Variants in CPNE4 observed in about 807,000 individuals in gnomAD.
CPNE4 encodes the protein copine-4.
A neutral mutation model predicts 67.9 loss-of-function variants in CPNE4; 25 were observed. The observed-to-expected ratio is 0.37, with a 90% confidence interval of 0.27 to 0.51. The LOEUF (loss-of-function observed/expected upper bound fraction) is 0.51. Among genes scored for constraint, CPNE4 ranks in the 20% least tolerant of loss-of-function variants. The probability of loss-of-function intolerance (pLI) is 0.93; values close to 1 mark genes in which losing one functional copy is unlikely to be tolerated. For missense variants in CPNE4, 464 were observed against 690.8 expected (o/e 0.67, Z 3.68); for synonymous variants, 242 against 244.9 (o/e 0.99, Z 0.11).
At chr3:131,863,537 C>A (rs182294107) in intron 2 of CPNE4, among the ~76,000 whole-genome samples, 15 of 152,294 alleles carry the variant, frequency 9.8e-5, no homozygotes, top group Non-Finnish European at 1.5e-4. Flanking sequence ...ATATCCTTCG[C>A]CCACTTTTTG....
intron 2 of CPNE4, among the ~76,000 whole-genome samples, chr3:131,787,544 T>C (rs1037819599): frequency 6.6e-6 from 1 of 152,142 alleles, no homozygotes; most frequent in Non-Finnish European, 1.5e-5. Context: ...AGGCAGACCC[T>C]GATGGATCTG....
intron 2 of CPNE4, among the ~76,000 whole-genome samples, chr3:131,856,098 C>A (rs1268436669): frequency 6.6e-6 from 1 of 151,950 alleles, no homozygotes; most frequent in Non-Finnish European, 1.5e-5. Context: ...AGGCCAGGAA[C>A]TTCTGATAAT....
intron 1 of CPNE4, among the ~76,000 whole-genome samples, chr3:131,996,419 A>C (rs2073294027): frequency 1.3e-5 from 2 of 152,072 alleles, no homozygotes; most frequent in Non-Finnish European, 2.9e-5. Flanking sequence ...GTCATTGCCC[A>C]CAGTGAAGGC....
chr3:131,698,609 A>T (rs1490906270), intron 4 of CPNE4, among the ~76,000 whole-genome samples: 16 of 99,664 alleles, frequency 1.6e-4, no homozygotes, highest in Non-Finnish European at 3.2e-4. Context: ...TCCTGTGCTT[A>T]AAAAAAAAAA....
chr3:131,792,758 C>T lies in CPNE4; in HGVS notation c.181-69133G>A, dbSNP rs1438505722. ...GTGTGTATATATGTATATATATACA[C>T]ACACTATATATGTATATGTGTGTGT... On this transcript the variant is annotated intron_variant, in intron 2 of 15. Transcript: ENST00000429747. Among the ~76,000 whole-genome samples the T allele has an allele frequency of 2.3e-5, 3 of 133,270 alleles. No homozygotes were observed. In the Admixed American group the frequency reaches 2.3e-4, roughly 10 times the overall value. 87.4% of individuals were successfully genotyped at this position (133,270 alleles called of 152,430 possible).
At chr3:131,837,864 C>G (rs2085618892) in intron 2 of CPNE4, among the ~76,000 whole-genome samples, 1 of 151,760 alleles carries the variant, frequency 6.6e-6, no homozygotes, top group African/African-American at 2.4e-5. Flanking sequence ...TACAGGGGAA[C>G]TTTCTGTAAT....
At chr3:131,937,531 T>C (rs2071259162) in intron 1 of CPNE4, among the ~76,000 whole-genome samples, 1 of 152,286 alleles carries the variant, frequency 6.6e-6, no homozygotes, top group African/African-American at 2.4e-5. Context: ...AGGACAATTA[T>C]GAGATGACTG....
intron 6 of CPNE4, among the ~76,000 whole-genome samples, chr3:131,670,965 T>C (rs1462544781): frequency 1.3e-5 from 2 of 152,194 alleles, no homozygotes; most frequent in Non-Finnish European, 2.9e-5. Flanking sequence ...ATTTTGTATT[T>C]TTAGTAGAGA....
Position 131,612,283 on chromosome 3 carries a change from A to T in CPNE4, c.682-24701T>A, listed in dbSNP as rs549837243. Among the ~76,000 whole-genome samples, 487 of 152,282 alleles carry T rather than the reference A, an allele frequency of 3.2e-3. 4 individuals are homozygous for T. Among genetic ancestry groups the T allele is most frequent in the African/African-American group, 0.011 (462 of 41,554 alleles). On this transcript the variant is annotated intron_variant, in intron 7 of 15. Transcript: ENST00000429747. ...CAGCTACTCAGGAGGCTGAGGCAGGAGAATCACTTGAATCCAGGAGGTGGA... is the reference window on the plus strand; with the variant it reads ...CAGCTACTCAGGAGGCTGAGGCAGGTGAATCACTTGAATCCAGGAGGTGGA...
chr3:131,542,546 T>C lies in CPNE4; in HGVS notation c.1539+11A>G. 6.3e-7 allele frequency: 1 copy of C among 1,586,816 alleles called. No individual in the cohort carries two copies. Among genetic ancestry groups the C allele is most frequent in the Non-Finnish European group, 8.7e-7 (1 of 1,155,188 alleles). ...CTTCCATGAAAAGTGCCCCAATGTG[T>C]ATATGCATACGTGTTTGAAGTTCCT... is the stretch of plus-strand genomic sequence containing the variant. On this transcript the variant is annotated intron_variant, in intron 15 of 15. Transcript: ENST00000429747.
intron 10 of CPNE4, among the ~76,000 whole-genome samples, 185 bp downstream of exon 10, chr3:131,574,886 T>C (rs1202302690): frequency 6.6e-6 from 1 of 152,070 alleles, no homozygotes; most frequent in Non-Finnish European, 1.5e-5. Flanking sequence ...ACTATACTTA[T>C]TAAAGAAAAC....
Position 131,927,929 on chromosome 3 carries a change from C to T in CPNE4, c.-1-22485G>A, listed in dbSNP as rs185771696. 2.0e-3 allele frequency among the ~76,000 whole-genome samples: 304 copies of T among 152,220 alleles called. 3 individuals carry two copies. The highest frequency in any genetic ancestry group is 4.6e-4 in the Non-Finnish European group (31 of 68,002). On this transcript the variant is annotated intron_variant, in intron 1 of 15. Transcript: ENST00000429747. ...CTATTTGCATTATTGATGTCATTAA[C>T]TGTATATATGAAAACCGCTAAAGAA...
At chr3:131,922,929 G>C (rs1179829230) in intron 1 of CPNE4, among the ~76,000 whole-genome samples, 1 of 152,126 alleles carries the variant, frequency 6.6e-6, no homozygotes. Flanking sequence ...TAATTTGAAA[G>C]AACTATGATT....
intron 2 of CPNE4, among the ~76,000 whole-genome samples, chr3:131,876,154 G>A (rs1293841321): frequency 3.3e-5 from 5 of 151,778 alleles, no homozygotes; most frequent in Admixed American, 6.6e-5. Context: ...CACGAGAATC[G>A]CTTGAACCCA....
At chr3:131,859,442 G>T (rs1032958373) in intron 2 of CPNE4, among the ~76,000 whole-genome samples, 2 of 152,000 alleles carry the variant, frequency 1.3e-5, no homozygotes, top group African/African-American at 4.8e-5. Context: ...ACCCAATCTA[G>T]CCTTTTTCCT....
chr3:131,829,367 C>T (rs533632215), intron 2 of CPNE4, among the ~76,000 whole-genome samples: 3 of 152,270 alleles, frequency 2.0e-5, no homozygotes, highest in African/African-American at 7.2e-5. Flanking sequence ...TTTCTATGTA[C>T]ACAAATAATA....
chr3:131,868,326 G>T (rs779092019), intron 2 of CPNE4, among the ~76,000 whole-genome samples: 2 of 152,242 alleles, frequency 1.3e-5, no homozygotes, highest in African/African-American at 4.8e-5. Context: ...CCCTTAAAGA[G>T]AGGCAGGCAT....
chr3:131,886,507 G>A (rs1161861994), intron 2 of CPNE4, among the ~76,000 whole-genome samples: 1 of 152,216 alleles, frequency 6.6e-6, no homozygotes, highest in African/African-American at 2.4e-5. Context: ...ATCGCCAGAG[G>A]AGCTGTGAGA....
intron 2 of CPNE4, among the ~76,000 whole-genome samples, chr3:131,891,955 A>T (rs972282012): frequency 1.3e-5 from 2 of 152,102 alleles, no homozygotes; most frequent in Non-Finnish European, 2.9e-5. Context: ...ATAACTGAAG[A>T]AGTACACTGA....
Sources: gnomAD v4.1 joint callset for allele counts (sites outside exome capture counted in the v4.1 genomes callset) on GRCh38, gnomAD v4.1.1 for gene constraint, MANE v1.5 for transcripts, NCBI Gene and HGNC (gene_info 2026-07-23, HGNC 2026-07-21) for gene names.